The following SBF2 variants were observed in gnomAD, a reference collection of about 807,000 sequenced individuals.
The protein encoded by SBF2 is SET binding factor 2.
In SBF2, 112 loss-of-function variants were observed where a neutral mutation model predicts 225.2. The ratio of observed to expected loss-of-function variants is 0.50; its 90% CI spans 0.43 to 0.58. The LOEUF (loss-of-function observed/expected upper bound fraction) is 0.58, where lower values mean the gene tolerates loss of function less well. SBF2 is among the 20% of genes least tolerant of loss of function. SBF2 has a pLI of 0.00. For synonymous variants in SBF2, 763 were observed against 773.3 expected (o/e 0.99, Z 0.22); for missense variants, 1,996 against 2,206.2 (o/e 0.90, Z 1.91).
At chr11:10,179,802 G>C (rs901039726) in intron 2 of SBF2, among the ~76,000 whole-genome samples, 1 of 152,002 alleles carries the variant, frequency 6.6e-6, no homozygotes, top group Non-Finnish European at 1.5e-5. Context: ...TCCTTTTAGT[G>C]AAGGTAATTT....
chr11:9,948,835 A>G (rs1229422413), intron 16 of SBF2, among the ~76,000 whole-genome samples: 3 of 152,122 alleles, frequency 2.0e-5, no homozygotes, highest in Non-Finnish European at 1.5e-5. Flanking sequence ...CCTTTTCCAT[A>G]TTTGTACTCA....
intron 2 of SBF2, among the ~76,000 whole-genome samples, chr11:10,173,613 T>G (rs1956318750): frequency 5.3e-5 from 8 of 152,040 alleles, no homozygotes; most frequent in Admixed American, 5.2e-4. Flanking sequence ...CAGGCTTGCT[T>G]AGGTAAACAA....
chr11:10,108,793 G>C (rs1029299103), intron 2 of SBF2, among the ~76,000 whole-genome samples: 1 of 152,026 alleles, frequency 6.6e-6, no homozygotes, highest in African/African-American at 2.4e-5. Flanking sequence ...CAAAGTGCTG[G>C]GATTACAGGC....
intron 2 of SBF2, among the ~76,000 whole-genome samples, chr11:10,181,986 C>T (rs539887798): frequency 6.6e-6 from 1 of 152,258 alleles, no homozygotes; most frequent in South Asian, 2.1e-4. Context: ...ATAAGTACCA[C>T]TAGAGGCCAC....
chr11:10,242,176 G>A (rs1959269229), intron 1 of SBF2, among the ~76,000 whole-genome samples: 1 of 152,036 alleles, frequency 6.6e-6, no homozygotes, highest in Non-Finnish European at 1.5e-5. Context: ...AAAATGTGCT[G>A]ATAAGATACA....
chr11:9,938,901 A>G (rs1211378252), intron 16 of SBF2, among the ~76,000 whole-genome samples: 1 of 152,120 alleles, frequency 6.6e-6, no homozygotes, highest in East Asian at 1.9e-4. Context: ...CAAAAGTTAA[A>G]ACACAAAGTC....
intron 1 of SBF2, among the ~76,000 whole-genome samples, chr11:10,292,921 G>GT (rs551353294): frequency 7.9e-4 from 121 of 152,220 alleles, no homozygotes; most frequent in African/African-American, 2.6e-3. Flanking sequence ...AACATGAAAG[G>GT]TTCCCACTAA....
chr11:10,094,040 T>C (rs1448512159), intron 2 of SBF2, among the ~76,000 whole-genome samples: 3 of 152,204 alleles, frequency 2.0e-5, no homozygotes, highest in Non-Finnish European at 4.4e-5. Flanking sequence ...TATAAATATA[T>C]TAACTTTTGG....
chr11:9,906,252 T>G (rs147829174), intron 16 of SBF2, among the ~76,000 whole-genome samples: 2 of 152,296 alleles, frequency 1.3e-5, no homozygotes, highest in South Asian at 4.1e-4. Context: ...AAGGAAATGG[T>G]TGGGATGCCA....
intron 2 of SBF2, among the ~76,000 whole-genome samples, chr11:10,170,054 G>A (rs1174005076): frequency 6.6e-6 from 1 of 151,652 alleles, no homozygotes; most frequent in Admixed American, 6.6e-5. Flanking sequence ...CTACACAGTT[G>A]TTTGAGCTCC....
chr11:9,924,657 C>T (rs190982383), intron 16 of SBF2, among the ~76,000 whole-genome samples: 1 of 152,208 alleles, frequency 6.6e-6, no homozygotes, highest in African/African-American at 2.4e-5. Flanking sequence ...GTCTCAAACT[C>T]CTGACCTCAG....
At chr11:10,173,609 T>TGA in intron 2 of SBF2, among the ~76,000 whole-genome samples, 1 of 152,182 alleles carries the variant, frequency 6.6e-6, no homozygotes, top group Non-Finnish European at 1.5e-5. Context: ...TGCCCAGGCT[T>TGA]GCTTAGGTAA....
At chr11:10,253,118 C>CAAAAAAAAA (rs546522229) in intron 1 of SBF2, among the ~76,000 whole-genome samples, 6 of 77,278 alleles carry the variant, frequency 7.8e-5, no homozygotes, top group Non-Finnish European at 9.8e-5. Flanking sequence ...AGGTAAATAC[C>CAAAAAAAAA]AAAAAAAAAA....
At chr11:10,265,313 T>C (rs1434837632) in intron 1 of SBF2, among the ~76,000 whole-genome samples, 1 of 152,180 alleles carries the variant, frequency 6.6e-6, no homozygotes, top group Non-Finnish European at 1.5e-5. Flanking sequence ...GTGGTTTTGA[T>C]TTGCATTTCT....
At chr11:10,174,845 G>A (rs371205805) in intron 2 of SBF2, among the ~76,000 whole-genome samples, 8,984 of 151,222 alleles carry the variant, frequency 0.059, 332 homozygotes, top group Middle Eastern at 0.15. Context: ...GAAGACAGTG[G>A]GGGCCAATAT....
chr11:10,286,411 TCGG>T (rs1963792879), intron 1 of SBF2, among the ~76,000 whole-genome samples: 4 of 40,004 alleles, frequency 1.0e-4, no homozygotes, highest in Admixed American at 7.6e-4. Flanking sequence ...TTGTGCGATC[TCGG>T]CTCACTGCGA....
intron 30 of SBF2, among the ~76,000 whole-genome samples, chr11:9,809,631 G>GC (rs976628703): frequency 6.8e-6 from 1 of 147,580 alleles, no homozygotes; most frequent in Non-Finnish European, 1.5e-5. Flanking sequence ...CACAACCTCT[G>GC]CCCCCCGGGT....
chr11:9,939,709 A>G (rs1018543183), intron 16 of SBF2, among the ~76,000 whole-genome samples: 5 of 152,218 alleles, frequency 3.3e-5, no homozygotes, highest in African/African-American at 1.2e-4. Flanking sequence ...GATATGAAAC[A>G]TAGCCCTTTG....
chr11:10,231,257 C>A (rs1004626478), intron 1 of SBF2, among the ~76,000 whole-genome samples: 1 of 152,158 alleles, frequency 6.6e-6, no homozygotes, highest in Admixed American at 6.6e-5. Flanking sequence ...TTGGTTCGAA[C>A]TTTCTCCTCT....
Sources: gnomAD v4.1 joint callset for allele counts (sites outside exome capture counted in the v4.1 genomes callset) on GRCh38, gnomAD v4.1.1 for gene constraint, MANE v1.5 for transcripts, NCBI Gene and HGNC (gene_info 2026-07-23, HGNC 2026-07-21) for gene names.